BAZ2B: variants seen among roughly 807,000 people sequenced by gnomAD.
BAZ2B encodes bromodomain adjacent to zinc finger domain 2B, also known as bromodomain adjacent to zinc finger domain protein 2B.
In BAZ2B, 91 loss-of-function variants were observed where a neutral mutation model predicts 246.0. The ratio of observed to expected loss-of-function variants is 0.37; its 90% CI spans 0.31 to 0.44. BAZ2B has a LOEUF of 0.44. BAZ2B is among the 20% of genes least tolerant of loss of function. BAZ2B has a pLI of 1.00. For synonymous variants in BAZ2B, 855 were observed against 860.0 expected, an observed-to-expected ratio of 0.99 and a Z score of 0.10; for missense variants, 2,332 against 2,533.7, an observed-to-expected ratio of 0.92 and a Z score of 1.71.
the BAZ2B span, among the ~76,000 whole-genome samples, chr2:159,697,251 T>C: frequency 5.9e-5 from 9 of 152,208 alleles, no homozygotes; most frequent in Non-Finnish European, 1.0e-4. Context: ...AGGTTTTTAA[T>C]GGTCTGGGAT....
At chr2:159,567,739 TG>T (rs1682981479) in intron 1 of BAZ2B, among the ~76,000 whole-genome samples, 3 of 152,168 alleles carry the variant, frequency 2.0e-5, no homozygotes, top group Non-Finnish European at 4.4e-5. Flanking sequence ...TTCAGGAGGC[TG>T]CAGCGGGCAG....
At chr2:159,544,372 G>A (rs1314789277) in intron 2 of BAZ2B, among the ~76,000 whole-genome samples, 1 of 152,096 alleles carries the variant, frequency 6.6e-6, no homozygotes, top group African/African-American at 2.4e-5. Flanking sequence ...TGCATATAGA[G>A]AATCAATAGG....
chr2:159,336,920 T>C (rs774024300), intron 33 of BAZ2B, 22 bp downstream of exon 33: 8 of 1,548,966 alleles, frequency 5.2e-6, no homozygotes, highest in Non-Finnish European at 6.2e-6. Context: ...AGTTATAATA[T>C]TTCTTAAATA....
intron 3 of BAZ2B, among the ~76,000 whole-genome samples, chr2:159,475,941 A>G (rs749205501): frequency 3.9e-5 from 6 of 152,096 alleles, no homozygotes; most frequent in Non-Finnish European, 7.4e-5. Flanking sequence ...CACCTGCCAG[A>G]TGCCAGCCAG....
At chr2:159,555,460 A>G (rs1323745000) in intron 2 of BAZ2B, 1 of 152,062 alleles carries the variant, frequency 6.6e-6, no homozygotes, top group South Asian at 2.1e-4. Flanking sequence ...ACTTTTATAT[A>G]TATTTCCTAA....
At chr2:159,591,919 A>G (rs1417802955) in intron 1 of BAZ2B, among the ~76,000 whole-genome samples, 5 of 152,206 alleles carry the variant, frequency 3.3e-5, no homozygotes, top group Admixed American at 2.0e-4. Flanking sequence ...TTCAAGCTTT[A>G]GACGAGGCTG....
chr2:159,445,968 C>T (rs1440257064), intron 6 of BAZ2B, among the ~76,000 whole-genome samples: 2 of 151,958 alleles, frequency 1.3e-5, no homozygotes, highest in Non-Finnish European at 2.9e-5. Context: ...GTAAAAATTA[C>T]CTCGGTGTGG....
intron 2 of BAZ2B, among the ~76,000 whole-genome samples, chr2:159,500,420 G>C (rs1212701598): frequency 6.6e-6 from 1 of 152,134 alleles, no homozygotes; most frequent in Admixed American, 6.6e-5. Flanking sequence ...GGTTACTGTA[G>C]CCTTGTAGTA....
chr2:159,454,088 G>A (rs1021028472), intron 3 of BAZ2B, among the ~76,000 whole-genome samples: 2 of 151,968 alleles, frequency 1.3e-5, no homozygotes, highest in African/African-American at 2.4e-5. Context: ...TCTGACCTGA[G>A]GAAGTGAGGC....
intron 2 of BAZ2B, among the ~76,000 whole-genome samples, chr2:159,538,520 C>T (rs1218950002): frequency 6.6e-6 from 1 of 152,184 alleles, no homozygotes; most frequent in Admixed American, 6.5e-5. Flanking sequence ...TCATGTTGCC[C>T]ATTCCAGTTG....
intron 1 of BAZ2B, among the ~76,000 whole-genome samples, chr2:159,556,184 G>A (rs566590619): frequency 7.2e-5 from 11 of 152,178 alleles, no homozygotes; most frequent in African/African-American, 2.2e-4. Context: ...TTCAAATTAC[G>A]TACTCAGAAG....
chr2:159,645,989 T>G, the BAZ2B span, among the ~76,000 whole-genome samples: 3 of 152,148 alleles, frequency 2.0e-5, no homozygotes, highest in Non-Finnish European at 4.4e-5. Context: ...GGCACCATTG[T>G]CATTGATAAC....
intron 25 of BAZ2B, among the ~76,000 whole-genome samples, chr2:159,379,337 C>T (rs1290931502): frequency 6.6e-6 from 1 of 151,970 alleles, no homozygotes; most frequent in Non-Finnish European, 1.5e-5. Context: ...GCTGGGAGGA[C>T]AGGGAAATTG....
chr2:159,597,714 C>T (rs1355499387), intron 1 of BAZ2B, among the ~76,000 whole-genome samples: 1 of 152,054 alleles, frequency 6.6e-6, no homozygotes, highest in Non-Finnish European at 1.5e-5. Flanking sequence ...CCTTGGCCTC[C>T]CAAAGTGATG....
At position 159,349,295 on chromosome 2, in the gene BAZ2B, C is replaced by G. The variant is rs149366839; in HGVS notation, c.4864-15G>C. ...CCACCTTTCACCTGCAAAAAGAAAA[C>G]ATTTATTAATGAAAAGTAGATTACT... On this transcript the variant is annotated splice_polypyrimidine_tract_variant and intron_variant, in intron 28 of 36. Transcript: ENST00000392783. The G allele has an allele frequency of 6.4e-7, 1 of 1,566,208 alleles. No homozygotes were observed. The highest frequency in any genetic ancestry group is 8.7e-7 in the Non-Finnish European group (1 of 1,155,872).
intron 2 of BAZ2B, among the ~76,000 whole-genome samples, chr2:159,546,139 G>A (rs2087307267): frequency 6.6e-6 from 1 of 152,080 alleles, no homozygotes; most frequent in Non-Finnish European, 1.5e-5. Flanking sequence ...ATAGTCTAGT[G>A]ATATGGTTTG....
At position 159,340,293 on chromosome 2, in the gene BAZ2B, C is replaced by T. The variant is rs79051754; in HGVS notation, c.5455-2521G>A. Among the ~76,000 whole-genome samples the T allele has an allele frequency of 1.6e-3, 243 of 151,712 alleles. 5 individuals are homozygous for T. In the East Asian group the frequency reaches 0.018, roughly 11 times the overall value. The stretch of plus-strand genomic sequence containing the variant: ...AAAAGCCTATAGGATTTATGGGACA[C>T]CATTAAGCAAACAAATATTCCTGTG... On this transcript the variant is annotated intron_variant, in intron 31 of 36. Transcript: ENST00000392783.
chr2:159,323,540 C>A (rs1336608862), intron 36 of BAZ2B, among the ~76,000 whole-genome samples: 1 of 151,894 alleles, frequency 6.6e-6, no homozygotes, highest in Non-Finnish European at 1.5e-5. Flanking sequence ...AGGTGGTTCA[C>A]GCCTGTAATC....
At chr2:159,394,840 T>C (rs980561187) in intron 20 of BAZ2B, among the ~76,000 whole-genome samples, 2 of 152,158 alleles carry the variant, frequency 1.3e-5, no homozygotes, top group African/African-American at 4.8e-5. Flanking sequence ...ATGCCCAAGG[T>C]CATATAGCTG....
Sources: allele counts gnomAD v4.1 joint callset (sites outside exome capture counted in the v4.1 genomes callset), GRCh38; gene constraint gnomAD v4.1.1; transcripts MANE v1.5; gene names NCBI Gene and HGNC (gene_info 2026-07-23, HGNC 2026-07-21).